PKHD1: variants seen among roughly 807,000 people sequenced by gnomAD.
PKHD1 encodes PKHD1 ciliary IPT domain containing fibrocystin/polyductin.
A neutral mutation model predicts 412.0 loss-of-function variants in PKHD1; 291 were observed. The observed-to-expected ratio is 0.71, with a 90% CI of 0.64 to 0.78. The LOEUF (loss-of-function observed/expected upper bound fraction) is 0.78, where lower values mean the gene tolerates loss of function less well. Ranked by LOEUF, PKHD1 falls within the 30% of genes least tolerant of loss-of-function variation. The pLI, the probability that PKHD1 is intolerant of heterozygous loss-of-function variation, is 0.00. For synonymous variants in PKHD1, 1,777 were observed against 1,821.5 expected, an observed-to-expected ratio of 0.98 and a Z score of 0.62; for missense variants, 4,825 against 4,950.7, an observed-to-expected ratio of 0.97 and a Z score of 0.76.
chr6:51,856,101 G>A (rs371800946), intron 48 of PKHD1, 31 bp from the exon 49 acceptor site: 1 of 1,323,558 alleles, frequency 7.6e-7, no homozygotes. Context: ...AAAAAAATGG[G>A]TTGAGAGATT....
At chr6:52,053,972 G>C (rs527389734) in intron 20 of PKHD1, 66 bp downstream of exon 20, 7 of 1,557,504 alleles carry the variant, frequency 4.5e-6, no homozygotes, top group Admixed American at 1.7e-5. Context: ...GTGGGTAACT[G>C]TCCCCAAAAC....
chr6:51,779,645 C>T (rs1791648082), intron 53 of PKHD1, among the ~76,000 whole-genome samples: 2 of 152,080 alleles, frequency 1.3e-5, no homozygotes, highest in Admixed American at 6.6e-5. Context: ...TAATAAAAGA[C>T]TAATTTCACC....
intron 36 of PKHD1, among the ~76,000 whole-genome samples, chr6:51,953,082 C>A (rs936778058): frequency 8.5e-5 from 13 of 152,094 alleles, no homozygotes; most frequent in African/African-American, 3.1e-4. Context: ...GCTGACCAAA[C>A]TGCAATGAAT....
intron 55 of PKHD1, among the ~76,000 whole-genome samples, chr6:51,759,164 A>G (rs886493681): frequency 1.3e-5 from 2 of 152,206 alleles, no homozygotes; most frequent in African/African-American, 2.4e-5. Context: ...TCTACACTTG[A>G]TAGAGAAGAA....
chr6:51,769,488 C>G (rs1203439204), intron 55 of PKHD1, among the ~76,000 whole-genome samples: 2 of 151,274 alleles, frequency 1.3e-5, no homozygotes, highest in Admixed American at 1.3e-4. Flanking sequence ...TCTGTACTTA[C>G]ATTTGAACTG....
Position 52,024,774 on chromosome 6 carries a change from C to T in PKHD1, c.5036G>A (p.Gly1679Glu), listed in dbSNP as rs745971604. The T allele has an allele frequency of 1.4e-5, 23 of 1,614,002 alleles. No individual in the cohort carries two copies. The highest frequency in any genetic ancestry group is 6.6e-5 in the South Asian group (6 of 91,084). ...ILTFAVAQIS[G>E]AANIDIFIGM... ...TATAAAAATGTCAATGTTTGCAGCTCCTGAGATCTGGGCCACTGCAAAGGT... is the reference window on the plus strand; with the variant it reads ...TATAAAAATGTCAATGTTTGCAGCTTCTGAGATCTGGGCCACTGCAAAGGT... Residue 1679 changes from glycine (G) to glutamate (E), a missense_variant, in exon 32 of 67, where the codon GGA becomes GAA. Physicochemically the swap from Gly to Glu is moderately conservative, Grantham distance 98. Coordinates refer to ENST00000371117, the MANE Select transcript of PKHD1 (RefSeq NM_138694.4).
At chr6:51,709,873 T>C (rs1780449158) in intron 60 of PKHD1, among the ~76,000 whole-genome samples, 1 of 143,110 alleles carries the variant, frequency 7.0e-6, no homozygotes, top group Admixed American at 7.2e-5. Flanking sequence ...TTTACATAAC[T>C]GACAAAACAG....
At chr6:51,805,344 A>C (rs7773895) in intron 52 of PKHD1, among the ~76,000 whole-genome samples, 90,732 of 151,916 alleles carry the variant, frequency 0.6, 27,505 homozygotes, top group East Asian at 0.78. Flanking sequence ...ACATGGACAT[A>C]GAAATGAAAA....
At chr6:52,067,295 A>G (rs1256429948) in intron 11 of PKHD1, among the ~76,000 whole-genome samples, 1 of 152,202 alleles carries the variant, frequency 6.6e-6, no homozygotes, top group Non-Finnish European at 1.5e-5. Context: ...GGAATTTTGT[A>G]TCAGCTTTAC....
chr6:52,084,990 T>G lies in PKHD1; in HGVS notation c.-57A>C. 1 of 1,163,290 alleles carries G rather than the reference T, an allele frequency of 8.6e-7. No individual in the cohort carries two copies. Among genetic ancestry groups the G allele is most frequent in the Non-Finnish European group, 1.3e-6 (1 of 767,812 alleles). The allele number at this position is 1,163,290 out of a possible 1,614,324, so 72.1% of individuals were successfully genotyped here. A position where few individuals can be genotyped will look rare whatever the true frequency, so the allele number is the denominator to read the frequency against. ...GCTCAGACATTAAAAGCATTTTCAG[T>G]TTTGATTGGAGCAGCATAGCTTTTG... On this transcript the variant is annotated 5_prime_UTR_variant, in exon 2 of 67. Transcript: ENST00000371117.
chr6:52,002,804 C>T (rs1798600046), intron 35 of PKHD1, among the ~76,000 whole-genome samples: 1 of 152,124 alleles, frequency 6.6e-6, no homozygotes, highest in South Asian at 2.1e-4. Flanking sequence ...TCAAATTAGC[C>T]TCTAAATAGC....
chr6:51,644,279 TACA>T (rs1357627291), intron 63 of PKHD1, among the ~76,000 whole-genome samples: 1 of 151,538 alleles, frequency 6.6e-6, no homozygotes, highest in Non-Finnish European at 1.5e-5. Flanking sequence ...GAGACTTTAT[TACA>T]ACAATTTTAT....
intron 66 of PKHD1, chr6:51,622,409 C>G (rs1766740243): frequency 6.6e-6 from 1 of 152,058 alleles, no homozygotes; most frequent in Non-Finnish European, 1.5e-5. Context: ...GTACAGAAAG[C>G]CTGGACTTTT....
chr6:51,979,441 T>C (rs1583672822), intron 35 of PKHD1, among the ~76,000 whole-genome samples: 1 of 152,318 alleles, frequency 6.6e-6, no homozygotes, highest in Non-Finnish European at 1.5e-5. Context: ...CTGATCTCTC[T>C]GCTTCCAATC....
chr6:51,864,336 A>T (rs1238078036), intron 48 of PKHD1, among the ~76,000 whole-genome samples: 1 of 152,208 alleles, frequency 6.6e-6, no homozygotes, highest in African/African-American at 2.4e-5. Flanking sequence ...GCAAGATCAG[A>T]TCTGCATTTA....
In PKHD1 at chr6:51,922,929, A is replaced by C. The variant is rs569903935; in HGVS notation, c.6122-10353T>G. Among the ~76,000 whole-genome samples, 857 of 152,122 alleles carry C rather than the reference A, an allele frequency of 5.6e-3. 3 individuals carry two copies. Among genetic ancestry groups the C allele is most frequent in the Non-Finnish European group, 9.6e-3 (649 of 67,902 alleles). On this transcript the variant is annotated intron_variant, in intron 37 of 66. Coordinates refer to ENST00000371117, the MANE Select transcript of PKHD1 (RefSeq NM_138694.4). ...GCAATGCCCCACCCTGCTTCGGCTC[A>C]CACTCCATGGGCTGCATCCACTGTC... is the stretch of plus-strand genomic sequence containing the variant.
At chr6:51,641,641 A>G (rs1181537125) in intron 63 of PKHD1, among the ~76,000 whole-genome samples, 1 of 152,168 alleles carries the variant, frequency 6.6e-6, no homozygotes, top group Non-Finnish European at 1.5e-5. Flanking sequence ...TGGAATCAAC[A>G]CAAATGCCCA....
chr6:51,653,156 T>G lies in PKHD1; in HGVS notation c.11175-3936A>C, dbSNP rs1165298295. Among the ~76,000 whole-genome samples, 17 of 152,132 alleles carry G rather than the reference T, an allele frequency of 1.1e-4. 1 individual carries two copies. The highest frequency in any genetic ancestry group is 9.8e-4 in the Admixed American group (15 of 15,242). On this transcript the variant is annotated intron_variant, in intron 61 of 66. Coordinates refer to ENST00000371117, the MANE Select transcript of PKHD1 (RefSeq NM_138694.4). The stretch of plus-strand genomic sequence containing the variant: ...AGGCACTGTGAGATATGCAAAGATA[T>G]AGAACACTGTGATCTCTCCCCCTCA...
intron 52 of PKHD1, among the ~76,000 whole-genome samples, chr6:51,802,236 A>AAAC (rs768336033): frequency 2.7e-5 from 4 of 147,154 alleles, no homozygotes; most frequent in African/African-American, 8.2e-5. Flanking sequence ...CTCAAGGCAA[A>AAAC]AACAACAACA....
Sources: gnomAD v4.1 joint callset for allele counts (sites outside exome capture counted in the v4.1 genomes callset) on GRCh38, gnomAD v4.1.1 for gene constraint, MANE v1.5 for transcripts, NCBI Gene and HGNC (gene_info 2026-07-23, HGNC 2026-07-21) for gene names.